RBFOX1: variants seen among roughly 807,000 people sequenced by gnomAD.
RBFOX1 encodes the protein RNA binding fox-1 homolog 1, also known as RNA binding protein fox-1 homolog 1.
In RBFOX1, 8 loss-of-function variants were observed where a neutral mutation model predicts 57.7. The ratio of observed to expected loss-of-function variants is 0.14; its 90% CI spans 0.08 to 0.25. The LOEUF (loss-of-function observed/expected upper bound fraction) is 0.25. Ranked by LOEUF, RBFOX1 falls within the 10% of genes least tolerant of loss-of-function variation. RBFOX1 has a pLI of 1.00. For synonymous variants in RBFOX1, 326 were observed against 222.4 expected (o/e 1.47, Z -4.15); for missense variants, 611 against 548.5 (o/e 1.11, Z -1.14).
chr16:6,565,266 T>C (rs187175980), intron 2 of RBFOX1, among the ~76,000 whole-genome samples: 378 of 151,962 alleles, frequency 2.5e-3, no homozygotes, highest in Middle Eastern at 6.8e-3. Flanking sequence ...CTTTTCTTTT[T>C]TTTTGTCTGA....
intron 1 of RBFOX1, among the ~76,000 whole-genome samples, chr16:5,307,089 C>G (rs1016003812): frequency 1.3e-5 from 2 of 152,074 alleles, no homozygotes; most frequent in African/African-American, 4.8e-5. Flanking sequence ...AGCAGGAAAA[C>G]CAAGTAAACC....
chr16:6,505,825 A>C (rs894158651), intron 2 of RBFOX1, among the ~76,000 whole-genome samples: 11 of 152,178 alleles, frequency 7.2e-5, no homozygotes, highest in African/African-American at 2.7e-4. Context: ...ATTCATTTCA[A>C]ATGTATCCAG....
At chr16:6,634,785 CAA>C (rs1274960619) in intron 2 of RBFOX1, among the ~76,000 whole-genome samples, 5 of 129,654 alleles carry the variant, frequency 3.9e-5, no homozygotes, top group African/African-American at 1.2e-4. Flanking sequence ...ATATATAATA[CAA>C]AGATATACAT....
chr16:5,244,729 G>A (rs960779349), intron 1 of RBFOX1, among the ~76,000 whole-genome samples: 3 of 152,232 alleles, frequency 2.0e-5, no homozygotes, highest in African/African-American at 4.8e-5. Flanking sequence ...GGGAAATTTT[G>A]GGAAGTTCTC....
At chr16:6,982,732 C>A (rs1009945078) in intron 3 of RBFOX1, among the ~76,000 whole-genome samples, 1 of 152,108 alleles carries the variant, frequency 6.6e-6, no homozygotes, top group Non-Finnish European at 1.5e-5. Context: ...GTGGCTCATG[C>A]CTGTAATCCC....
chr16:7,226,378 C>T (rs2093121848), intron 4 of RBFOX1, among the ~76,000 whole-genome samples: 1 of 152,174 alleles, frequency 6.6e-6, no homozygotes, highest in Non-Finnish European at 1.5e-5. Flanking sequence ...AAGGAATTTC[C>T]AGCAGGTGTA....
intron 1 of RBFOX1, among the ~76,000 whole-genome samples, chr16:6,239,705 A>G (rs1348184356): frequency 2.0e-5 from 3 of 151,678 alleles, no homozygotes; most frequent in African/African-American, 7.3e-5. Flanking sequence ...CACCATGTTG[A>G]CCAGGCTGGT....
At chr16:5,913,563 G>T (rs1174052854) in intron 4 of RBFOX1, among the ~76,000 whole-genome samples, 3 of 152,158 alleles carry the variant, frequency 2.0e-5, no homozygotes, top group African/African-American at 7.2e-5. Context: ...CTGAGATCCT[G>T]CCTGGAAGCT....
intron 1 of RBFOX1, among the ~76,000 whole-genome samples, chr16:5,372,801 G>C (rs2151375619): frequency 6.6e-6 from 1 of 152,324 alleles, no homozygotes; most frequent in Non-Finnish European, 1.5e-5. Context: ...TGTTCATGCT[G>C]GGTCGCGTTG....
At chr16:6,307,908 A>C (rs2079730340) in intron 1 of RBFOX1, among the ~76,000 whole-genome samples, 1 of 144,666 alleles carries the variant, frequency 6.9e-6, no homozygotes, top group East Asian at 2.1e-4. Flanking sequence ...TGGATTATTT[A>C]CATATTTTTA....
In RBFOX1 at chr16:5,972,618, C is replaced by T. The variant is rs75805150; in HGVS notation, c.351+105283C>T. Among the ~76,000 whole-genome samples, 878 of 152,300 alleles carry T rather than the reference C, an allele frequency of 5.8e-3. 12 individuals are homozygous for T. The highest frequency in any genetic ancestry group is 0.019 in the African/African-American group (799 of 41,562). On this transcript the variant is annotated intron_variant, in intron 4 of 19. Transcript: ENST00000641259. ...CCTGGAATAATTGGTTGCGGGCAAT[C>T]AGGGAAGGTTCAGGCACGTAATGGA...
intron 11 of RBFOX1, among the ~76,000 whole-genome samples, chr16:7,644,660 ATCT>A (rs953749362): frequency 3.3e-5 from 5 of 152,216 alleles, no homozygotes; most frequent in Admixed American, 2.0e-4. Context: ...GTGCTCGGTC[ATCT>A]TCTAGATGTT....
intron 3 of RBFOX1, among the ~76,000 whole-genome samples, chr16:5,775,718 C>T (rs1051518783): frequency 1.3e-5 from 2 of 152,122 alleles, no homozygotes; most frequent in African/African-American, 4.8e-5. Context: ...ATCCTTAGAG[C>T]CTGCTAACTT....
intron 4 of RBFOX1, among the ~76,000 whole-genome samples, chr16:7,169,107 G>A (rs2080161812): frequency 6.6e-6 from 1 of 152,112 alleles, no homozygotes; most frequent in African/African-American, 2.4e-5. Flanking sequence ...TCTCAGGGCA[G>A]GAAAAATGTG....
At chr16:6,812,697 T>G (rs572730991) in intron 3 of RBFOX1, among the ~76,000 whole-genome samples, 1 of 152,270 alleles carries the variant, frequency 6.6e-6, no homozygotes, top group Admixed American at 6.5e-5. Flanking sequence ...TTTTAATGCC[T>G]AAATGTGGTC....
At chr16:6,071,836 T>A (rs1285781278) in intron 1 of RBFOX1, among the ~76,000 whole-genome samples, 1 of 152,220 alleles carries the variant, frequency 6.6e-6, no homozygotes, top group Non-Finnish European at 1.5e-5. Flanking sequence ...AATCATGCAA[T>A]GTTTATCCTT....
intron 1 of RBFOX1, among the ~76,000 whole-genome samples, chr16:6,064,089 T>C (rs950287010): frequency 1.3e-5 from 2 of 152,202 alleles, no homozygotes; most frequent in African/African-American, 4.8e-5. Context: ...TACATTCCCC[T>C]TTTGGTCAGT....
chr16:6,637,373 TA>T (rs2098451460), intron 2 of RBFOX1, among the ~76,000 whole-genome samples: 1 of 83,356 alleles, frequency 1.2e-5, no homozygotes, highest in African/African-American at 5.5e-5. Context: ...ATATAATATA[TA>T]ATATACAAAT....
chr16:6,741,620 G>A (rs1248143282), intron 3 of RBFOX1, among the ~76,000 whole-genome samples: 2 of 149,696 alleles, frequency 1.3e-5, no homozygotes, highest in African/African-American at 4.9e-5. Context: ...GGTGAGCCGA[G>A]ATCATGCCAC....
Sources: allele counts gnomAD v4.1 joint callset (sites outside exome capture counted in the v4.1 genomes callset), GRCh38; gene constraint gnomAD v4.1.1; transcripts MANE v1.5; gene names NCBI Gene and HGNC (gene_info 2026-07-23, HGNC 2026-07-21).